Variants in RCN2 observed in about 807,000 individuals in gnomAD.
RCN2 encodes reticulocalbin 2, also known as reticulocalbin-2.
RCN2 carries 23 observed loss-of-function variants against 37.5 expected under a neutral mutation model. That is an observed-to-expected ratio of 0.61 (90% CI 0.44 to 0.87). The LOEUF (loss-of-function observed/expected upper bound fraction) is 0.87. Among genes scored for constraint, RCN2 ranks in the 40% least tolerant of loss-of-function variants. The pLI, the probability that RCN2 is intolerant of heterozygous loss-of-function variation, is 0.00. For synonymous variants in RCN2, 140 were observed against 144.6 expected (o/e 0.97, Z 0.23); for missense variants, 381 against 390.4 (o/e 0.98, Z 0.20).
chr15:76,944,292 A>G (rs2075288306), intron 4 of RCN2, among the ~76,000 whole-genome samples: 1 of 151,996 alleles, frequency 6.6e-6, no homozygotes, highest in African/African-American at 2.4e-5. Context: ...AGATGTTTTG[A>G]TACAGGCATG....
intron 2 of RCN2, among the ~76,000 whole-genome samples, chr15:76,933,862 A>C (rs1487361517): frequency 1.3e-5 from 2 of 152,216 alleles, no homozygotes; most frequent in African/African-American, 4.8e-5. Context: ...CTGGAATCAG[A>C]TGTTAAGAGG....
At chr15:76,936,608 C>G (rs144714627) in intron 3 of RCN2, among the ~76,000 whole-genome samples, 3 of 152,252 alleles carry the variant, frequency 2.0e-5, no homozygotes, top group African/African-American at 7.2e-5. Flanking sequence ...TGGCCCAGTT[C>G]CTAACAGGCC....
intron 3 of RCN2, chr15:76,941,955 A>C: frequency 3.5e-6 from 1 of 285,356 alleles, no homozygotes. Context: ...TGACTCAGCA[A>C]AGTACCTCAA....
At chr15:76,944,082 T>C (rs1192068785) in intron 4 of RCN2, among the ~76,000 whole-genome samples, 1 of 136,978 alleles carries the variant, frequency 7.3e-6, no homozygotes, top group African/African-American at 2.7e-5. Context: ...AAGCTCCGCC[T>C]CCCGTGTTCA....
intron 6 of RCN2, 28 bp from the exon 7 acceptor site, chr15:76,949,042 C>T (rs751871309): frequency 2.5e-6 from 4 of 1,568,786 alleles, no homozygotes; most frequent in African/African-American, 2.7e-5. Context: ...ACTTATTACA[C>T]TTGACACTTT....
At position 76,949,328 on chromosome 15, in the gene RCN2, C is replaced by A; in HGVS notation, c.*106C>A. 1 of 762,574 alleles carries A rather than the reference C, an allele frequency of 1.3e-6. No individual in the cohort carries two copies. The highest frequency in any genetic ancestry group is 1.9e-6 in the Non-Finnish European group (1 of 530,012). 47.2% of individuals were successfully genotyped at this position (762,574 alleles called of 1,614,324 possible). ...TGTATTTTACACTCTTAAGTCTTAA[C>A]CACAGTCAGAATTATCTTAATGTAG... On this transcript the variant is annotated 3_prime_UTR_variant, in exon 7 of 7. Coordinates refer to ENST00000394885, the MANE Select transcript of RCN2 (RefSeq NM_002902.3).
chr15:76,936,693 T>C (rs966009892), intron 3 of RCN2, among the ~76,000 whole-genome samples: 2 of 152,224 alleles, frequency 1.3e-5, no homozygotes, highest in African/African-American at 2.4e-5. Flanking sequence ...GTGTGTAGGC[T>C]ATGTGCAAAT....
intron 6 of RCN2, chr15:76,948,782 T>C: frequency 1.9e-6 from 1 of 525,570 alleles, no homozygotes; most frequent in Non-Finnish European, 3.3e-6. Flanking sequence ...AATAATAGTT[T>C]GTATTTACCT....
At chr15:76,940,872 C>T (rs920105986) in intron 3 of RCN2, among the ~76,000 whole-genome samples, 3 of 151,426 alleles carry the variant, frequency 2.0e-5, no homozygotes, top group African/African-American at 4.9e-5. Context: ...TGAATTTTAT[C>T]TTATATTTAA....
At chr15:76,935,900 C>G (rs2075245426) in intron 3 of RCN2, among the ~76,000 whole-genome samples, 178 bp downstream of exon 3, 1 of 152,188 alleles carries the variant, frequency 6.6e-6, no homozygotes, top group Non-Finnish European at 1.5e-5. Context: ...ATTTAGGACT[C>G]TTATTCTAAA....
intron 1 of RCN2, 24 bp from the exon 2 acceptor site, chr15:76,932,337 C>G: frequency 6.4e-7 from 1 of 1,574,242 alleles, no homozygotes; most frequent in Non-Finnish European, 8.7e-7. Flanking sequence ...GCTTGGCCCT[C>G]CTGTGTGTCG....
intron 3 of RCN2, among the ~76,000 whole-genome samples, chr15:76,939,667 A>G (rs895118029): frequency 1.3e-5 from 2 of 152,226 alleles, no homozygotes; most frequent in African/African-American, 2.4e-5. Flanking sequence ...TCTTAAACCA[A>G]TGTAACTTAT....
chr15:76,949,252 C>T lies in RCN2; in HGVS notation c.*30C>T. 1 of 1,441,858 alleles carries T rather than the reference C, an allele frequency of 6.9e-7. No homozygotes were observed. The highest frequency in any genetic ancestry group is 9.3e-7 in the Non-Finnish European group (1 of 1,076,432). 89.3% of individuals were successfully genotyped at this position (1,441,858 alleles called of 1,614,324 possible). ...TGAGCCTGTCTCAGTAGAGTACTGG[C>T]TCCTTTTATAATTTGTTACCAGCTT... On this transcript the variant is annotated 3_prime_UTR_variant, in exon 7 of 7. Transcript: ENST00000394885.
chr15:76,944,641 A>G (rs1711019), intron 4 of RCN2, among the ~76,000 whole-genome samples: 143,412 of 152,290 alleles, frequency 0.94, 67,914 homozygotes, highest in East Asian at 1. Context: ...TCTGTGCCTG[A>G]CTTATTTCAC....
At chr15:76,946,322 C>A (rs1294744830) in intron 4 of RCN2, among the ~76,000 whole-genome samples, 1 of 152,044 alleles carries the variant, frequency 6.6e-6, no homozygotes, top group African/African-American at 2.4e-5. Context: ...GTGGCATGCA[C>A]CTGTGGTCCT....
rs2075316802 is a variant in RCN2, at chr15:76,950,621, C to T, written c.*1399C>T. The T allele has an allele frequency of 6.6e-6, 1 of 152,240 alleles. No homozygotes were observed. The highest frequency in any genetic ancestry group is 2.4e-5 in the African/African-American group (1 of 41,448). 9.4% of individuals were successfully genotyped at this position (152,240 alleles called of 1,614,324 possible). A position where few individuals can be genotyped will look rare whatever the true frequency, so the allele number is the denominator to read the frequency against. Reference sequence around the variant, plus strand: ...AGCCAGGATGGTTTCGATCTCCTGACCTCATGATCAGCCCACCTCGGCCTC... The same window carrying T: ...AGCCAGGATGGTTTCGATCTCCTGATCTCATGATCAGCCCACCTCGGCCTC... On this transcript the variant is annotated 3_prime_UTR_variant, in exon 7 of 7. Coordinates refer to ENST00000394885, the MANE Select transcript of RCN2 (RefSeq NM_002902.3).
intron 3 of RCN2, chr15:76,941,443 A>T: frequency 2.4e-6 from 1 of 419,204 alleles, no homozygotes; most frequent in Non-Finnish European, 4.2e-6. Context: ...TAGAATCATT[A>T]GTCTACCAAA....
At chr15:76,939,270 AT>A (rs2075267410) in intron 3 of RCN2, among the ~76,000 whole-genome samples, 2 of 119,290 alleles carry the variant, frequency 1.7e-5, no homozygotes, top group African/African-American at 5.7e-5. Context: ...AAATAAATAA[AT>A]AAATAAAAAT....
At chr15:76,937,408 C>T (rs2075256113) in intron 3 of RCN2, among the ~76,000 whole-genome samples, 1 of 149,792 alleles carries the variant, frequency 6.7e-6, no homozygotes, top group Admixed American at 6.7e-5. Context: ...TAAAATTACT[C>T]CTTTTTTTTT....
Sources: allele counts gnomAD v4.1 joint callset (sites outside exome capture counted in the v4.1 genomes callset), GRCh38; gene constraint gnomAD v4.1.1; transcripts MANE v1.5; gene names NCBI Gene and HGNC (gene_info 2026-07-23, HGNC 2026-07-21).